TMEM170A: variants seen among roughly 807,000 people sequenced by gnomAD.
TMEM170A encodes the protein transmembrane protein 170A, also known as transmembrane protein 170.
A neutral mutation model predicts 12.8 loss-of-function variants in TMEM170A; 18 were observed. The observed-to-expected ratio is 1.41, with a 90% CI of 0.97 to 2.09. TMEM170A has a LOEUF of 2.09. Among genes scored for constraint, TMEM170A ranks in the 30% most tolerant of loss-of-function variants. The pLI, the probability that TMEM170A is intolerant of heterozygous loss-of-function variation, is 0.00. For synonymous variants in TMEM170A, 107 were observed against 76.2 expected, an observed-to-expected ratio of 1.40 and a Z score of -2.11; for missense variants, 220 against 179.9, an observed-to-expected ratio of 1.22 and a Z score of -1.28.
In TMEM170A at chr16:75,443,801, CAAG is replaced by C. The variant is rs1239751104; in HGVS notation, c.*3754_*3756del. 6.6e-6 allele frequency: 1 copy of C among 152,040 alleles called. No individual in the cohort carries two copies. The highest frequency in any genetic ancestry group is 2.4e-5 in the African/African-American group (1 of 41,424). The allele number at this position is 152,040 out of a possible 1,614,324, so 9.4% of individuals were successfully genotyped here. A position where few individuals can be genotyped will look rare whatever the true frequency, so the allele number is the denominator to read the frequency against. On this transcript the variant is annotated 3_prime_UTR_variant, in exon 3 of 3. Transcript: ENST00000561878. ...ACCTCAAAACCCCGTATTCAAGAAT[CAAG>C]AAGGCCAAGCATGATGGCTCATGTC... is the stretch of plus-strand genomic sequence containing the variant.
At chr16:75,451,910 T>C in intron 1 of TMEM170A, 71 bp from the exon 2 acceptor site, 1 of 1,270,264 alleles carries the variant, frequency 7.9e-7, no homozygotes, top group Non-Finnish European at 1.1e-6. Context: ...AGGGTACTCA[T>C]CATACCCGTC....
chr16:75,449,309 C>A (rs1404765009), intron 2 of TMEM170A, among the ~76,000 whole-genome samples: 1 of 150,092 alleles, frequency 6.7e-6, no homozygotes, highest in East Asian at 2.0e-4. Context: ...AAATAACATA[C>A]AGTGTCTCAA....
intron 2 of TMEM170A, among the ~76,000 whole-genome samples, chr16:75,448,272 A>G (rs1419153032): frequency 6.6e-6 from 1 of 152,198 alleles, no homozygotes; most frequent in Non-Finnish European, 1.5e-5. Flanking sequence ...AGGGCATGAG[A>G]GGAGAGATAC....
chr16:75,451,895 T>A, intron 1 of TMEM170A, 56 bp from the exon 2 acceptor site: 1 of 1,484,314 alleles, frequency 6.7e-7, no homozygotes, highest in Non-Finnish European at 9.2e-7. Flanking sequence ...GGACAATCAT[T>A]GCAGAGGGTA....
chr16:75,453,925 A>C (rs910379699), intron 1 of TMEM170A, among the ~76,000 whole-genome samples: 1 of 152,224 alleles, frequency 6.6e-6, no homozygotes, highest in Non-Finnish European at 1.5e-5. Flanking sequence ...CCCATGTAGC[A>C]TTTCCCCCCA....
At position 75,446,183 on chromosome 16, in the gene TMEM170A, GA is replaced by G. The variant is rs5817946; in HGVS notation, c.*1374del. The G allele has an allele frequency of 0.78, 109,158 of 140,630 alleles. 42,149 individuals carry two copies. The highest frequency in any genetic ancestry group is 0.91 in the East Asian group (4,415 of 4,830). The allele number at this position is 140,630 out of a possible 1,614,324, so 8.7% of individuals were successfully genotyped here. A position where few individuals can be genotyped will look rare whatever the true frequency, so the allele number is the denominator to read the frequency against. ...CAGTGAGGCTCCGTCTCATTTAAAA[GA>G]AAAAAAAAAAAAAAAGTCAGATTTA... is the stretch of plus-strand genomic sequence containing the variant. On this transcript the variant is annotated 3_prime_UTR_variant, in exon 3 of 3. Transcript: ENST00000561878.
chr16:75,464,268 T>A, intron 1 of TMEM170A, 200 bp downstream of exon 1: 1 of 1,494,828 alleles, frequency 6.7e-7, no homozygotes, highest in South Asian at 1.2e-5. Context: ...CCAGCGGGAC[T>A]CCGGGGCTCC....
chr16:75,459,231 T>G lies in TMEM170A; in HGVS notation c.133+5237A>C, dbSNP rs535185783. 2.2e-4 allele frequency among the ~76,000 whole-genome samples: 33 copies of G among 152,284 alleles called. 1 individual carries two copies. The highest frequency in any genetic ancestry group is 7.9e-4 in the African/African-American group (33 of 41,570). ...TCTTTAAGATACATATTCAGAGAGA[T>G]ACTGCAGTGAAAGAACAGACACAGA... is the stretch of plus-strand genomic sequence containing the variant. On this transcript the variant is annotated intron_variant, in intron 1 of 2. Coordinates refer to ENST00000561878, the MANE Select transcript of TMEM170A (RefSeq NM_145254.3).
chr16:75,464,306 G>C, intron 1 of TMEM170A, 162 bp downstream of exon 1: 1 of 1,473,030 alleles, frequency 6.8e-7, no homozygotes, highest in Non-Finnish European at 9.0e-7. Context: ...AGAAGTGATG[G>C]GGAAAGGGGC....
intron 1 of TMEM170A, among the ~76,000 whole-genome samples, chr16:75,454,385 G>A (rs1403582350): frequency 1.3e-5 from 2 of 152,094 alleles, no homozygotes; most frequent in Non-Finnish European, 2.9e-5. Context: ...TTGGGAGGTC[G>A]AGGTGGGCTA....
Position 75,449,701 on chromosome 16 carries a change from G to C in TMEM170A, c.304+1968C>G, listed in dbSNP as rs182435329. Among the ~76,000 whole-genome samples the C allele has an allele frequency of 5.2e-3, 795 of 152,278 alleles. 3 individuals carry two copies. Among genetic ancestry groups the C allele is most frequent in the Non-Finnish European group, 8.9e-3 (606 of 68,016 alleles). ...ATATTAACCAAAGGTTGGCTGCCTT[G>C]AACATTTAGTGATTTAAAATGCCCA... On this transcript the variant is annotated intron_variant, in intron 2 of 2. Transcript: ENST00000561878.
At position 75,447,291 on chromosome 16, in the gene TMEM170A, A is replaced by G; in HGVS notation, c.*267T>C. 1 of 248,730 alleles carries G rather than the reference A, an allele frequency of 4.0e-6. No homozygotes were observed. The highest frequency in any genetic ancestry group is 7.6e-6 in the Non-Finnish European group (1 of 132,236). 15.4% of individuals were successfully genotyped at this position (248,730 alleles called of 1,614,324 possible). On this transcript the variant is annotated 3_prime_UTR_variant, in exon 3 of 3. Transcript: ENST00000561878. ...AGACACTGTTGACTTGGCTTGGGTA[A>G]AGGTACACATGAAAACTGCTTAAAT... is the stretch of plus-strand genomic sequence containing the variant.
At chr16:75,463,063 G>A (rs889213020) in intron 1 of TMEM170A, among the ~76,000 whole-genome samples, 10 of 151,934 alleles carry the variant, frequency 6.6e-5, no homozygotes, top group Admixed American at 3.3e-4. Context: ...GAGAGAGAAA[G>A]AGAGCAGAGA....
Position 75,447,267 on chromosome 16 carries a change from G to A in TMEM170A, c.*291C>T, listed in dbSNP as rs531447502. ...TCAGTGCAAAGGATGCCACCCCAGA[G>A]ACACTGTTGACTTGGCTTGGGTAAA... On this transcript the variant is annotated 3_prime_UTR_variant, in exon 3 of 3. Transcript: ENST00000561878. 7.9e-5 allele frequency: 17 copies of A among 215,516 alleles called. 1 individual carries two copies. The highest frequency in any genetic ancestry group is 1.0e-4 in the Non-Finnish European group (11 of 110,406). The allele number at this position is 215,516 out of a possible 1,614,324, so 13.4% of individuals were successfully genotyped here.
intron 2 of TMEM170A, among the ~76,000 whole-genome samples, chr16:75,450,809 C>A (rs544665376): frequency 2.0e-4 from 30 of 152,264 alleles, no homozygotes; most frequent in African/African-American, 6.7e-4. Context: ...CAGGTACACA[C>A]CACCACACTC....
intron 1 of TMEM170A, among the ~76,000 whole-genome samples, chr16:75,456,470 C>T (rs1015547523): frequency 1.3e-5 from 2 of 152,106 alleles, no homozygotes; most frequent in Admixed American, 6.5e-5. Flanking sequence ...GCCTGTAATC[C>T]TGGCGACTCA....
At chr16:75,462,392 A>G (rs1303701918) in intron 1 of TMEM170A, among the ~76,000 whole-genome samples, 1 of 152,206 alleles carries the variant, frequency 6.6e-6, no homozygotes, top group Non-Finnish European at 1.5e-5. Flanking sequence ...ACTTTTTAGT[A>G]GAGACAAGGT....
chr16:75,463,395 A>T (rs1318841360), intron 1 of TMEM170A, among the ~76,000 whole-genome samples: 58 of 151,938 alleles, frequency 3.8e-4, no homozygotes, highest in Admixed American at 3.8e-3. Context: ...TCTGCATCTG[A>T]CCCCAACCTG....
At chr16:75,448,546 T>A (rs956172809) in intron 2 of TMEM170A, among the ~76,000 whole-genome samples, 3 of 152,166 alleles carry the variant, frequency 2.0e-5, no homozygotes, top group African/African-American at 7.2e-5. Flanking sequence ...GTGGATCATC[T>A]GAGCTCAGGA....
Sources: gnomAD v4.1 joint callset for allele counts (sites outside exome capture counted in the v4.1 genomes callset) on GRCh38, gnomAD v4.1.1 for gene constraint, MANE v1.5 for transcripts, NCBI Gene and HGNC (gene_info 2026-07-23, HGNC 2026-07-21) for gene names.